MYO3A: variants seen among roughly 807,000 people sequenced by gnomAD.
The protein encoded by MYO3A is myosin IIIA.
A neutral mutation model predicts 192.7 loss-of-function variants in MYO3A; 180 were observed. The ratio of observed to expected loss-of-function variants is 0.93; its 90% CI spans 0.83 to 1.06. MYO3A has a LOEUF of 1.06. MYO3A is among the 50% of genes least tolerant of loss of function. MYO3A has a pLI of 0.00. For missense variants in MYO3A, 1,896 were observed against 1,905.0 expected, an observed-to-expected ratio of 1.00 and a Z score of 0.09; for synonymous variants, 628 against 645.3, an observed-to-expected ratio of 0.97 and a Z score of 0.41.
intron 31 of MYO3A, among the ~76,000 whole-genome samples, chr10:26,178,962 G>A (rs961037220): frequency 4.7e-5 from 7 of 149,406 alleles, no homozygotes; most frequent in Admixed American, 6.7e-5. Context: ...CCACCACGCC[G>A]GGCTAATTTT....
At chr10:25,943,430 T>A (rs1309046261) in intron 2 of MYO3A, among the ~76,000 whole-genome samples, 1 of 152,106 alleles carries the variant, frequency 6.6e-6, no homozygotes, top group Non-Finnish European at 1.5e-5. Flanking sequence ...ATTGGGATTT[T>A]GCTAACAATT....
chr10:26,163,222 G>A (rs1038181431), intron 26 of MYO3A, among the ~76,000 whole-genome samples: 2 of 152,300 alleles, frequency 1.3e-5, no homozygotes, highest in Non-Finnish European at 1.5e-5. Context: ...CTTCTCCTCC[G>A]ACATTCCCAC....
chr10:26,021,774 G>A (rs1469410111), intron 8 of MYO3A, 126 bp downstream of exon 8: 2 of 1,289,474 alleles, frequency 1.6e-6, no homozygotes, highest in Admixed American at 3.6e-5. Context: ...AGAAGATCCT[G>A]GAATATTATT....
At chr10:26,020,079 C>A (rs114508735) in intron 7 of MYO3A, among the ~76,000 whole-genome samples, 10,052 of 152,204 alleles carry the variant, frequency 0.066, 413 homozygotes, top group Non-Finnish European at 0.094. Flanking sequence ...CATATATGCA[C>A]ATGCATAATT....
intron 17 of MYO3A, among the ~76,000 whole-genome samples, chr10:26,118,440 T>C (rs1416171733): frequency 6.6e-6 from 1 of 152,198 alleles, no homozygotes; most frequent in East Asian, 1.9e-4. Context: ...CTCTACCATT[T>C]ACTGTTATAT....
chr10:26,139,249 T>A (rs1035096303), intron 20 of MYO3A, among the ~76,000 whole-genome samples: 3 of 152,074 alleles, frequency 2.0e-5, no homozygotes, highest in African/African-American at 7.2e-5. Flanking sequence ...ATATATATAT[T>A]TTTTGAGATG....
intron 14 of MYO3A, among the ~76,000 whole-genome samples, chr10:26,075,056 T>C (rs921952813): frequency 2.0e-5 from 3 of 152,066 alleles, no homozygotes; most frequent in African/African-American, 7.2e-5. Context: ...CCGTAAATGT[T>C]TGGGTTTATT....
chr10:26,107,465 G>A (rs1188562362), intron 17 of MYO3A, among the ~76,000 whole-genome samples: 1 of 136,306 alleles, frequency 7.3e-6, no homozygotes, highest in Non-Finnish European at 1.6e-5. Flanking sequence ...TGGGCGAAAA[G>A]AGTGAAACAC....
chr10:26,183,291 G>A lies in MYO3A; in HGVS notation c.4438+6446G>A, dbSNP rs535700315. 9.8e-5 allele frequency among the ~76,000 whole-genome samples: 15 copies of A among 152,308 alleles called. No homozygotes were observed. In the South Asian group the frequency reaches 3.1e-3, roughly 32 times the overall value. On this transcript the variant is annotated intron_variant, in intron 31 of 34. Coordinates refer to ENST00000642920, the MANE Select transcript of MYO3A (RefSeq NM_017433.5). ...TGTAATCCCAGCACTTTGGGAGGCC[G>A]AGGCCGGCGGATCACGAGGTCAGGA...
chr10:26,079,226 T>C (rs1835775544), intron 14 of MYO3A, among the ~76,000 whole-genome samples: 1 of 152,166 alleles, frequency 6.6e-6, no homozygotes, highest in Non-Finnish European at 1.5e-5. Flanking sequence ...AGGATTGCGA[T>C]ATTTTCCTCT....
intron 6 of MYO3A, 117 bp from the exon 7 acceptor site, chr10:26,016,703 A>T: frequency 1.1e-6 from 1 of 933,510 alleles, no homozygotes; most frequent in Non-Finnish European, 1.7e-6. Context: ...CACTAGGTCC[A>T]CTGGCAGGTT....
At chr10:25,988,939 C>CTTTTTTTTTTTTTT (rs56308717) in intron 4 of MYO3A, among the ~76,000 whole-genome samples, 6 of 116,990 alleles carry the variant, frequency 5.1e-5, no homozygotes, top group Non-Finnish European at 7.1e-5. Flanking sequence ...CCCTAAAACT[C>CTTTTTTTTTTTTTT]TTTTTTTTTT....
intron 6 of MYO3A, among the ~76,000 whole-genome samples, chr10:25,999,898 G>C (rs1840679327): frequency 6.6e-6 from 1 of 152,086 alleles, no homozygotes; most frequent in African/African-American, 2.4e-5. Flanking sequence ...CACAAAACTT[G>C]TCTCTCTGTT....
chr10:26,061,790 G>A (rs1834496746), intron 10 of MYO3A, among the ~76,000 whole-genome samples: 2 of 152,146 alleles, frequency 1.3e-5, no homozygotes, highest in Admixed American at 6.5e-5. Flanking sequence ...TGATCCCTCT[G>A]CTCCTCACCA....
At chr10:26,012,005 A>T (rs971460503) in intron 6 of MYO3A, among the ~76,000 whole-genome samples, 9 of 152,214 alleles carry the variant, frequency 5.9e-5, no homozygotes, top group Admixed American at 3.9e-4. Context: ...AAACCATATG[A>T]TCATCTCAAT....
At chr10:25,985,490 A>C (rs1839597024) in intron 4 of MYO3A, among the ~76,000 whole-genome samples, 1 of 152,208 alleles carries the variant, frequency 6.6e-6, no homozygotes, top group Admixed American at 6.5e-5. Context: ...AAATAAGCTT[A>C]ATTGAAAACG....
intron 4 of MYO3A, among the ~76,000 whole-genome samples, chr10:25,994,704 G>A (rs946139548): frequency 2.0e-5 from 3 of 152,086 alleles, no homozygotes; most frequent in African/African-American, 7.2e-5. Flanking sequence ...GGGAAGGCCT[G>A]GTGGTGACAA....
intron 12 of MYO3A, among the ~76,000 whole-genome samples, chr10:26,069,440 G>A (rs188979303): frequency 1.6e-4 from 25 of 152,028 alleles, no homozygotes; most frequent in African/African-American, 6.0e-4. Context: ...AATTAAACAA[G>A]GTTGTTTTTC....
intron 15 of MYO3A, among the ~76,000 whole-genome samples, chr10:26,093,054 T>C (rs986802722): frequency 6.6e-6 from 1 of 152,236 alleles, no homozygotes; most frequent in Non-Finnish European, 1.5e-5. Flanking sequence ...TGTCTAAGTT[T>C]TAACACTTAA....
Sources: allele counts gnomAD v4.1 joint callset (sites outside exome capture counted in the v4.1 genomes callset), GRCh38; gene constraint gnomAD v4.1.1; transcripts MANE v1.5; gene names NCBI Gene and HGNC (gene_info 2026-07-23, HGNC 2026-07-21).